FBN2: variants seen among roughly 807,000 people sequenced by gnomAD.
The protein encoded by FBN2 is fibrillin 2.
In FBN2, 105 loss-of-function variants were observed where a neutral mutation model predicts 355.6. That is an observed-to-expected ratio of 0.30 (90% CI 0.25 to 0.35). The LOEUF is 0.35. Ranked by LOEUF, FBN2 falls within the 10% of genes least tolerant of loss-of-function variation. The pLI is 1.00. For synonymous variants in FBN2, 1,350 were observed against 1,301.2 expected (o/e 1.04, Z -0.81); for missense variants, 3,280 against 3,758.7 (o/e 0.87, Z 3.33).
chr5:128,458,045 G>A (rs887283411), intron 6 of FBN2, among the ~76,000 whole-genome samples: 8 of 151,908 alleles, frequency 5.3e-5, no homozygotes, highest in African/African-American at 1.2e-4. Flanking sequence ...AAGACCCATC[G>A]GTGTGCGTGT....
At position 128,259,314 on chromosome 5, in the gene FBN2, C is replaced by T; in HGVS notation, c.*141G>A. 2 of 1,125,520 alleles carry T rather than the reference C, an allele frequency of 1.8e-6. No homozygotes were observed. The highest frequency in any genetic ancestry group is 1.3e-5 in the South Asian group (1 of 78,886). 69.7% of individuals were successfully genotyped at this position (1,125,520 alleles called of 1,614,324 possible). ...CTAAATTATCCCTCCCTGTGAGGGTCAACATTCAAAGTCTAAGACAGGGAG... is the reference window on the plus strand; with the variant it reads ...CTAAATTATCCCTCCCTGTGAGGGTTAACATTCAAAGTCTAAGACAGGGAG... On this transcript the variant is annotated 3_prime_UTR_variant, in exon 65 of 65. Transcript: ENST00000262464.
intron 7 of FBN2, among the ~76,000 whole-genome samples, chr5:128,417,341 A>C (rs1484611820): frequency 6.6e-6 from 1 of 152,092 alleles, no homozygotes; most frequent in Non-Finnish European, 1.5e-5. Flanking sequence ...TATGCCTTTT[A>C]TTTCTTTCTC....
Position 128,531,741 on chromosome 5 carries a change from T to TAC in FBN2, c.338-1050_338-1049dup, listed in dbSNP as rs1554076083. ...ATGTGTGTATATATATATATATATA[T>TAC]ACACACACATATTTACTGGCTTTAA... On this transcript the variant is annotated intron_variant, in intron 2 of 64. Transcript: ENST00000262464. Among the ~76,000 whole-genome samples the TAC allele has an allele frequency of 1.2e-3, 181 of 149,916 alleles. 2 individuals carry two copies. The highest frequency in any genetic ancestry group is 1.2e-3 in the African/African-American group (48 of 40,876).
At chr5:128,478,219 C>A (rs1399196017) in intron 5 of FBN2, among the ~76,000 whole-genome samples, 1 of 152,058 alleles carries the variant, frequency 6.6e-6, no homozygotes, top group Non-Finnish European at 1.5e-5. Flanking sequence ...GGACTTCAGA[C>A]AATACTGGCC....
chr5:128,335,524 A>T lies in FBN2; in HGVS notation c.3778T>A (p.Ser1260Thr). ...CAGCTGCATTCGTAGCTTCCCTCTG[A>T]ATTTGTGCACTGGGTGTCACAGCCT... is the stretch of plus-strand genomic sequence containing the variant. Reference protein sequence around the residue: ...NGGCDTQCTNSEGSYECSCSE... With the variant: ...NGGCDTQCTNTEGSYECSCSE... The change falls in exon 29 of 65, where the codon TCA (serine) becomes ACA (threonine). Residue 1260 changes from serine to threonine, a missense_variant. Coordinates refer to ENST00000262464, the MANE Select transcript of FBN2 (RefSeq NM_001999.4). The T allele has an allele frequency of 6.2e-7, 1 of 1,614,116 alleles. No homozygotes were observed. Among genetic ancestry groups the T allele is most frequent in the Non-Finnish European group, 8.5e-7 (1 of 1,179,940 alleles).
intron 15 of FBN2, among the ~76,000 whole-genome samples, chr5:128,372,121 C>T (rs969526848): frequency 6.6e-6 from 1 of 152,120 alleles, no homozygotes; most frequent in Non-Finnish European, 1.5e-5. Flanking sequence ...CTCAAAACAA[C>T]AAAAGAGGAA....
chr5:128,420,541 T>C (rs1395345812), intron 7 of FBN2, among the ~76,000 whole-genome samples: 2 of 152,210 alleles, frequency 1.3e-5, no homozygotes, highest in East Asian at 1.9e-4. Flanking sequence ...AGCTATAGTA[T>C]ATACATTGAT....
At chr5:128,374,528 T>A in intron 15 of FBN2, 100 bp downstream of exon 15, 3 of 1,502,108 alleles carry the variant, frequency 2.0e-6, no homozygotes. Context: ...TAGCATGTAC[T>A]CTTCTTATGG....
intron 40 of FBN2, among the ~76,000 whole-genome samples, 187 bp from the exon 41 acceptor site, chr5:128,309,586 C>T (rs550171816): frequency 6.6e-6 from 1 of 152,028 alleles, no homozygotes; most frequent in Non-Finnish European, 1.5e-5. Context: ...TCTCCTTTAT[C>T]CTTAAAGGTT....
chr5:128,328,394 TC>T (rs1345115334), intron 34 of FBN2: 1 of 592,222 alleles, frequency 1.7e-6, no homozygotes. Context: ...CTGAATAGTT[TC>T]TCCACATGTC....
chr5:128,357,387 C>T lies in FBN2; in HGVS notation c.2563G>A (p.Glu855Lys). Residue 855 changes from glutamate (E) to lysine (K), a missense_variant, in exon 20 of 65, where the codon GAA becomes AAA. Coordinates refer to ENST00000262464, the MANE Select transcript of FBN2 (RefSeq NM_001999.4). ...TETETCEDIN[E>K]CESNPCVNGA... is the part of the protein sequence containing the mutation. The stretch of plus-strand genomic sequence containing the variant: ...TTGACACATGGGTTGCTTTCACATT[C>T]ATTTATATCTACAATCCAGAAGGAA... The T allele has an allele frequency of 6.2e-7, 1 of 1,613,876 alleles. No individual in the cohort carries two copies. The highest frequency in any genetic ancestry group is 8.5e-7 in the Non-Finnish European group (1 of 1,179,786).
At chr5:128,469,965 C>T (rs757152224) in intron 5 of FBN2, among the ~76,000 whole-genome samples, 3 of 152,154 alleles carry the variant, frequency 2.0e-5, no homozygotes, top group African/African-American at 4.8e-5. Context: ...AAGATGCACA[C>T]TAATGAGTCA....
intron 11 of FBN2, among the ~76,000 whole-genome samples, chr5:128,382,941 G>A (rs748370768): frequency 6.6e-6 from 1 of 151,958 alleles, no homozygotes; most frequent in Non-Finnish European, 1.5e-5. Flanking sequence ...AGCCAAGACA[G>A]ATTTACCCTC....
At chr5:128,442,868 T>G (rs938161218) in intron 7 of FBN2, among the ~76,000 whole-genome samples, 1 of 152,066 alleles carries the variant, frequency 6.6e-6, no homozygotes, top group Non-Finnish European at 1.5e-5. Context: ...TATCTGAATA[T>G]GAGGGAAAAA....
Position 128,290,761 on chromosome 5 carries a change from G to C in FBN2, c.6416C>G (p.Pro2139Arg). 3 of 1,614,056 alleles carry C rather than the reference G, an allele frequency of 1.9e-6. No homozygotes were observed. Among genetic ancestry groups the C allele is most frequent in the Non-Finnish European group, 2.5e-6 (3 of 1,179,968 alleles). Reference sequence around the variant, plus strand: ...ATCGTCTTTGGGGCACAGCTCACAGGGGTCCCCCCAGCCCTCTCCTGGCAT... The same window carrying C: ...ATCGTCTTTGGGGCACAGCTCACAGCGGTCCCCCCAGCCCTCTCCTGGCAT... ...SKMPGEGWGD[P>R]CELCPKDDEV... The change falls in exon 50 of 65, where the codon CCC becomes CGC. Residue 2139 changes from proline to arginine, a missense_variant. Transcript: ENST00000262464.
chr5:128,466,964 G>A (rs1264978657), intron 5 of FBN2, among the ~76,000 whole-genome samples: 1 of 152,030 alleles, frequency 6.6e-6, no homozygotes, highest in Non-Finnish European at 1.5e-5. Flanking sequence ...CTGAATACGT[G>A]GGGAAAAGTC....
chr5:128,422,802 C>T (rs1753385459), intron 7 of FBN2, among the ~76,000 whole-genome samples: 1 of 152,116 alleles, frequency 6.6e-6, no homozygotes, highest in Non-Finnish European at 1.5e-5. Flanking sequence ...ATCACATGGA[C>T]AGCTTATTAA....
At chr5:128,287,480 T>C (rs1053094621) in intron 53 of FBN2, 50 bp from the exon 54 acceptor site, 10 of 1,606,326 alleles carry the variant, frequency 6.2e-6, no homozygotes, top group African/African-American at 1.3e-5. Context: ...TTCTAATTAT[T>C]TGTGTAACTA....
intron 11 of FBN2, among the ~76,000 whole-genome samples, chr5:128,381,102 C>G (rs1752223449): frequency 6.6e-6 from 1 of 151,986 alleles, no homozygotes; most frequent in Non-Finnish European, 1.5e-5. Context: ...TCGAGGATTA[C>G]CTGTAGCCCA....
Sources: gnomAD v4.1 joint callset for allele counts (sites outside exome capture counted in the v4.1 genomes callset) on GRCh38, gnomAD v4.1.1 for gene constraint, MANE v1.5 for transcripts, NCBI Gene and HGNC (gene_info 2026-07-23, HGNC 2026-07-21) for gene names.